ANK2: variants seen among roughly 807,000 people sequenced by gnomAD.
The protein encoded by ANK2 is ankyrin-2.
ANK2 carries 83 observed loss-of-function variants against 360.5 expected under a neutral mutation model. The ratio of observed to expected loss-of-function variants is 0.23; its 90% confidence interval spans 0.19 to 0.28. The LOEUF (loss-of-function observed/expected upper bound fraction) is 0.28, where lower values mean the gene tolerates loss of function less well. Among genes scored for constraint, ANK2 ranks in the 10% least tolerant of loss-of-function variants. The pLI is 1.00. For missense variants in ANK2, 4,201 were observed against 4,795.7 expected (o/e 0.88, Z 3.66); for synonymous variants, 1,740 against 1,759.5 (o/e 0.99, Z 0.28).
At position 113,241,332 on chromosome 4, in the gene ANK2, T is replaced by C. The variant is rs555930604; in HGVS notation, c.792+749T>C. Reference sequence around the variant, plus strand: ...TTACTGAATTATTCTGAAGGAGACGTTTGTTTGTTGTTGTTGCTGTTTAGA... The same window carrying C: ...TTACTGAATTATTCTGAAGGAGACGCTTGTTTGTTGTTGTTGCTGTTTAGA... On this transcript the variant is annotated intron_variant, in intron 8 of 45. Transcript: ENST00000357077. 5.9e-5 allele frequency among the ~76,000 whole-genome samples: 9 copies of C among 152,252 alleles called. No individual in the cohort carries two copies. In the South Asian group the frequency reaches 1.9e-3, roughly 32 times the overall value.
the ANK2 span, among the ~76,000 whole-genome samples, chr4:112,715,631 G>A: frequency 6.6e-6 from 1 of 152,170 alleles, no homozygotes; most frequent in Non-Finnish European, 1.5e-5. Context: ...CTGTAGTTCT[G>A]CTGTTTACCT....
At chr4:113,033,606 C>CGT (rs146311964) in intron 2 of ANK2, among the ~76,000 whole-genome samples, 31 of 150,810 alleles carry the variant, frequency 2.1e-4, no homozygotes, top group Admixed American at 4.6e-4. Context: ...TGTGTGTGTG[C>CGT]GTGTGTGTGT....
rs754847234 is a variant in ANK2 at position 113,365,101 on chromosome 4, A to G, written c.10951A>G (p.Thr3651Ala). Residue 3651 changes from threonine (T) to alanine (A), a missense_variant, in exon 41 of 46, where the codon ACC becomes GCC. Thr to Ala is a moderately conservative substitution (Grantham distance 58). Coordinates refer to ENST00000357077, the MANE Select transcript of ANK2 (RefSeq NM_001148.6). The stretch of plus-strand genomic sequence containing the variant: ...AATGGATATTGTTCATCTCATGGAG[A>G]CCAACACAGAACCTCTCCAGGAGCG... ...NRMDIVHLME[T>A]NTEPLQERIS... 1 of 1,613,998 alleles carries G rather than the reference A, an allele frequency of 6.2e-7. No homozygotes were observed. The highest frequency in any genetic ancestry group is 8.5e-7 in the Non-Finnish European group (1 of 1,179,944).
chr4:113,072,765 TG>T (rs1187164933), intron 1 of ANK2, among the ~76,000 whole-genome samples: 35 of 121,156 alleles, frequency 2.9e-4, no homozygotes, highest in African/African-American at 5.2e-4. Flanking sequence ...TTTTTTTTTT[TG>T]CTGTCTTGTC....
chr4:112,772,872 G>A, the ANK2 span, among the ~76,000 whole-genome samples: 1 of 152,150 alleles, frequency 6.6e-6, no homozygotes, highest in African/African-American at 2.4e-5. Context: ...CTTAAGGGTA[G>A]GAGGTGACGG....
intron 1 of ANK2, among the ~76,000 whole-genome samples, chr4:112,856,803 G>T (rs534202315): frequency 1.6e-4 from 24 of 152,368 alleles, no homozygotes; most frequent in African/African-American, 5.8e-4. Flanking sequence ...TTATTCAGGA[G>T]TTGGACTAGC....
chr4:112,746,142 A>G, the ANK2 span, among the ~76,000 whole-genome samples: 1 of 152,190 alleles, frequency 6.6e-6, no homozygotes, highest in East Asian at 1.9e-4. Flanking sequence ...ACATATATTT[A>G]GGATGACAAT....
intron 1 of ANK2, among the ~76,000 whole-genome samples, chr4:112,853,319 G>A (rs983427128): frequency 2.6e-5 from 4 of 151,852 alleles, no homozygotes; most frequent in East Asian, 1.9e-4. Flanking sequence ...CGCCCACCTC[G>A]GCCTCCCAAA....
intron 1 of ANK2, chr4:113,117,468 C>G (rs1486546672): frequency 4.4e-6 from 2 of 451,876 alleles, no homozygotes; most frequent in South Asian, 3.1e-5. Flanking sequence ...CTGTGTAGCA[C>G]CATCAGCCTC....
the ANK2 span, among the ~76,000 whole-genome samples, chr4:112,728,916 C>T: frequency 6.6e-6 from 1 of 152,036 alleles, no homozygotes; most frequent in Admixed American, 6.6e-5. Context: ...GTGGCTCAAG[C>T]CTGTAATCCT....
upstream of ANK2, among the ~76,000 whole-genome samples, chr4:113,048,099 C>T (rs746755382): frequency 4.0e-4 from 61 of 151,050 alleles, no homozygotes; most frequent in Non-Finnish European, 6.5e-4. Flanking sequence ...TACACTATCT[C>T]GTTGGTTTAA....
At chr4:113,013,345 T>A (rs2055425724) in intron 2 of ANK2, among the ~76,000 whole-genome samples, 1 of 152,180 alleles carries the variant, frequency 6.6e-6, no homozygotes, top group South Asian at 2.1e-4. Context: ...CATTGATAAT[T>A]TTAAAAGGAA....
intron 2 of ANK2, among the ~76,000 whole-genome samples, chr4:113,036,675 A>C (rs1165546707): frequency 6.6e-6 from 1 of 151,886 alleles, no homozygotes; most frequent in Non-Finnish European, 1.5e-5. Flanking sequence ...ACTGCAAAAT[A>C]ACCTATATTT....
At chr4:112,721,600 C>G in the ANK2 span, among the ~76,000 whole-genome samples, 3 of 147,152 alleles carry the variant, frequency 2.0e-5, no homozygotes, top group East Asian at 6.1e-4. Context: ...TAGGCACTGT[C>G]TCTACACGCC....
intron 41 of ANK2, 28 bp downstream of exon 41, chr4:113,365,210 TGTG>T: frequency 6.3e-7 from 1 of 1,586,568 alleles, no homozygotes. Flanking sequence ...TATGTGTGTG[TGTG>T]TGTGTGTGTG....
At chr4:112,772,898 G>T in the ANK2 span, among the ~76,000 whole-genome samples, 4 of 152,158 alleles carry the variant, frequency 2.6e-5, no homozygotes, top group Admixed American at 2.0e-4. Flanking sequence ...GGGAGCGTGT[G>T]TTCTGAGGCT....
intron 2 of ANK2, among the ~76,000 whole-genome samples, chr4:113,176,834 A>T (rs923703283): frequency 2.9e-4 from 44 of 151,918 alleles, no homozygotes; most frequent in Admixed American, 2.8e-3. Context: ...CCTGTGTCCA[A>T]GTGTTCTCAT....
chr4:112,833,893 C>G (rs2060415478), intron 1 of ANK2, among the ~76,000 whole-genome samples: 1 of 152,202 alleles, frequency 6.6e-6, no homozygotes, highest in Non-Finnish European at 1.5e-5. Context: ...CCCTGGTGCT[C>G]CAGTTCTCCT....
At chr4:113,097,867 T>TATATAC (rs2091809268) in intron 1 of ANK2, among the ~76,000 whole-genome samples, 2 of 110,590 alleles carry the variant, frequency 1.8e-5, no homozygotes, top group East Asian at 2.5e-4. Flanking sequence ...TGTGTGTGTG[T>TATATAC]ATATATATGC....
Sources: gnomAD v4.1 joint callset for allele counts (sites outside exome capture counted in the v4.1 genomes callset) on GRCh38, gnomAD v4.1.1 for gene constraint, MANE v1.5 for transcripts, NCBI Gene and HGNC (gene_info 2026-07-23, HGNC 2026-07-21) for gene names.